The following S100A13 variants were observed in gnomAD, a reference collection of about 807,000 sequenced individuals.
S100A13 encodes S100 calcium binding protein A13.
In S100A13, 6 loss-of-function variants were observed where a neutral mutation model predicts 8.2. The observed-to-expected ratio is 0.73, with a 90% CI of 0.40 to 1.44. The LOEUF (loss-of-function observed/expected upper bound fraction) is 1.44, where lower values mean the gene tolerates loss of function less well. Ranked by LOEUF, S100A13 falls within the 40% of genes most tolerant of loss-of-function variation. The pLI is 0.02. For synonymous variants in S100A13, 39 were observed against 45.9 expected (o/e 0.85, Z 0.61); for missense variants, 114 against 113.6 (o/e 1.00, Z -0.02).
At chr1:153,621,090 A>C (rs1667216950) in intron 2 of S100A13, among the ~76,000 whole-genome samples, 1 of 152,156 alleles carries the variant, frequency 6.6e-6, no homozygotes, top group Non-Finnish European at 1.5e-5. Context: ...AGAAAGGCTC[A>C]ATCAGCTAAA....
At chr1:153,620,182 T>C (rs1479290703) in intron 2 of S100A13, among the ~76,000 whole-genome samples, 1 of 151,800 alleles carries the variant, frequency 6.6e-6, no homozygotes, top group Non-Finnish European at 1.5e-5. Context: ...AGCTACTCGG[T>C]AGGCTGAGAC....
upstream of S100A13, chr1:153,631,204 A>G: frequency 2.1e-6 from 1 of 469,636 alleles, no homozygotes; most frequent in Non-Finnish European, 3.8e-6. Context: ...CTAGGCTGCT[A>G]AGGCTAACCA....
upstream of S100A13, chr1:153,634,039 T>C (rs1028343611): frequency 6.6e-6 from 1 of 152,626 alleles, no homozygotes; most frequent in African/African-American, 2.4e-5. Flanking sequence ...GTAGACGCCA[T>C]TTTAGCCGGT....
chr1:153,628,678 G>C (rs904044023), upstream of S100A13: 5 of 1,053,334 alleles, frequency 4.7e-6, no homozygotes, highest in Non-Finnish European at 6.6e-6. Flanking sequence ...GTGGTGATGA[G>C]AGACAAATGA....
At chr1:153,634,108 C>G (rs1028240652), upstream of S100A13, 4 of 152,866 alleles carry the variant, frequency 2.6e-5, no homozygotes, top group Non-Finnish European at 5.9e-5. Flanking sequence ...GAGCTGGCGG[C>G]CGCTGCAGAC....
intron 2 of S100A13, among the ~76,000 whole-genome samples, chr1:153,620,209 C>A (rs1667146958): frequency 2.0e-5 from 3 of 152,006 alleles, no homozygotes; most frequent in South Asian, 4.2e-4. Flanking sequence ...ATTGCTTGAA[C>A]CTGGGAGGCG....
upstream of S100A13, chr1:153,630,665 G>C: frequency 3.1e-6 from 5 of 1,614,098 alleles, no homozygotes; most frequent in Non-Finnish European, 4.2e-6. Context: ...TCCTGGATGT[G>C]AGCATAGAGT....
chr1:153,626,683 G>A (rs1667660579), intron 1 of S100A13, 150 bp from the exon 2 acceptor site: 1 of 508,096 alleles, frequency 2.0e-6, no homozygotes, highest in East Asian at 3.0e-5. Context: ...GTTGAGCTTG[G>A]GGCAGCAGAC....
intron 2 of S100A13, among the ~76,000 whole-genome samples, chr1:153,623,388 T>C (rs1403110562): frequency 6.8e-6 from 1 of 146,690 alleles, no homozygotes; most frequent in African/African-American, 2.5e-5. Context: ...TTCGTTTCCT[T>C]TTTTTTTTTT....
At chr1:153,632,893 G>A (rs1232494523), upstream of S100A13, 1 of 152,158 alleles carries the variant, frequency 6.6e-6, no homozygotes, top group East Asian at 1.9e-4. Flanking sequence ...ATTGAGGCCG[G>A]GCACAGTGGC....
intron 1 of S100A13, 142 bp from the exon 2 acceptor site, chr1:153,626,675 T>C (rs1472091643): frequency 1.9e-6 from 1 of 530,476 alleles, no homozygotes; most frequent in East Asian, 2.9e-5. Context: ...GGACAGGGGT[T>C]GAGCTTGGGG....
upstream of S100A13, chr1:153,631,479 G>C (rs546993007): frequency 3.5e-5 from 56 of 1,598,766 alleles, no homozygotes; most frequent in Admixed American, 5.0e-4. Flanking sequence ...CTGAACATAC[G>C]GTAACTGGTG....
intron 2 of S100A13, among the ~76,000 whole-genome samples, chr1:153,624,675 A>G (rs1369826620): frequency 2.0e-5 from 3 of 152,124 alleles, no homozygotes; most frequent in African/African-American, 7.2e-5. Context: ...ACAGTGGCTC[A>G]TGACTGTAAT....
At chr1:153,622,835 T>G (rs1667356316) in intron 2 of S100A13, among the ~76,000 whole-genome samples, 1 of 152,124 alleles carries the variant, frequency 6.6e-6, no homozygotes, top group Admixed American at 6.5e-5. Context: ...CCCAACAGCA[T>G]CATCTGATAC....
At chr1:153,630,766 CTCTT>C, upstream of S100A13, 1 of 1,434,338 alleles carries the variant, frequency 7.0e-7, no homozygotes, top group Non-Finnish European at 9.4e-7. Flanking sequence ...TCAGCCTAGC[CTCTT>C]TCTTTCCTTT....
chr1:153,621,063 A>AGAAAGGCTTTTT (rs1557921623), intron 2 of S100A13, among the ~76,000 whole-genome samples: 2 of 152,092 alleles, frequency 1.3e-5, no homozygotes, highest in Non-Finnish European at 2.9e-5. Context: ...TGGAATAAAC[A>AGAAAGGCTTTTT]TATATTTTTC....
intron 2 of S100A13, 79 bp from the exon 3 acceptor site, chr1:153,619,117 C>G: frequency 7.5e-7 from 1 of 1,329,246 alleles, no homozygotes; most frequent in Non-Finnish European, 1.1e-6. Flanking sequence ...CTGTCAGCTG[C>G]TATTCTCTCA....
In S100A13 at chr1:153,618,915, G is replaced by T. The variant is rs1234365097; in HGVS notation, c.277C>A (p.Leu93Met). ...LAKEIRKKKD[L>M]KIRKK ...CGGCTTTACTTCTTCCTGATCTTCA[G>T]GTCTTTCTTCTTCCTGATTTCCTTG... The change falls in exon 3 of 3, where the codon CTG becomes ATG. Residue 93 changes from leucine (L) to methionine (M), a missense_variant. Physicochemically the swap from Leu to Met is conservative, Grantham distance 15 (BLOSUM62 2). Transcript: ENST00000476133. 4 of 1,613,930 alleles carry T rather than the reference G, an allele frequency of 2.5e-6. No homozygotes were observed. In the African/African-American group the frequency reaches 5.3e-5, roughly 22 times the overall value.
upstream of S100A13, chr1:153,630,806 C>A: frequency 8.8e-7 from 1 of 1,133,570 alleles, no homozygotes. Context: ...TGGGTTTTTC[C>A]AGGCTCCCCT....
Sources: allele counts gnomAD v4.1 joint callset (sites outside exome capture counted in the v4.1 genomes callset), GRCh38; gene constraint gnomAD v4.1.1; transcripts MANE v1.5; gene names NCBI Gene and HGNC (gene_info 2026-07-23, HGNC 2026-07-21).